JAKMIP2: variants seen among roughly 807,000 people sequenced by gnomAD.
The protein encoded by JAKMIP2 is janus kinase and microtubule interacting protein 2.
Under a neutral mutation model 115.0 loss-of-function variants are expected in JAKMIP2, and 25 were observed. The observed-to-expected ratio is 0.22, with a 90% CI of 0.16 to 0.30. The LOEUF is 0.30. Ranked by LOEUF, JAKMIP2 falls within the 10% of genes least tolerant of loss-of-function variation. JAKMIP2 has a pLI of 1.00. For synonymous variants in JAKMIP2, 334 were observed against 343.6 expected (o/e 0.97, Z 0.31); for missense variants, 642 against 957.6 (o/e 0.67, Z 4.35).
At chr5:147,771,892 A>G (rs1297879480) in intron 1 of JAKMIP2, among the ~76,000 whole-genome samples, 7 of 152,110 alleles carry the variant, frequency 4.6e-5, no homozygotes, top group Admixed American at 4.6e-4. Context: ...GCTGCTGCTG[A>G]TAATAATATA....
chr5:147,683,213 G>A, intron 1 of JAKMIP2, among the ~76,000 whole-genome samples: 1 of 152,218 alleles, frequency 6.6e-6, no homozygotes, highest in Non-Finnish European at 1.5e-5. Flanking sequence ...CTGGCGACCA[G>A]GTGTGATGGC....
At chr5:147,688,387 A>G (rs1760672429) in intron 1 of JAKMIP2, among the ~76,000 whole-genome samples, 1 of 152,238 alleles carries the variant, frequency 6.6e-6, no homozygotes, top group South Asian at 2.1e-4. Context: ...TATGCACAAC[A>G]TAGCTATTGC....
chr5:147,608,896 TC>T (rs1251755818), intron 20 of JAKMIP2, among the ~76,000 whole-genome samples: 2 of 152,228 alleles, frequency 1.3e-5, no homozygotes, highest in Non-Finnish European at 2.9e-5. Context: ...AGTTCGCTCT[TC>T]TTGTTGCATC....
At chr5:147,654,217 T>C (rs1486589801) in intron 3 of JAKMIP2, among the ~76,000 whole-genome samples, 1 of 142,414 alleles carries the variant, frequency 7.0e-6, no homozygotes, top group Non-Finnish European at 1.5e-5. Context: ...CCATATGAAA[T>C]TTAAAGTAGT....
At chr5:147,603,328 A>G (rs1755811623) in intron 20 of JAKMIP2, among the ~76,000 whole-genome samples, 1 of 152,236 alleles carries the variant, frequency 6.6e-6, no homozygotes, top group African/African-American at 2.4e-5. Context: ...GAATCAGATG[A>G]AATGATGGCA....
chr5:147,651,678 T>C (rs1291500274), intron 3 of JAKMIP2, among the ~76,000 whole-genome samples: 1 of 152,168 alleles, frequency 6.6e-6, no homozygotes, highest in African/African-American at 2.4e-5. Flanking sequence ...ATTTTCCACA[T>C]ATAAATATCT....
At chr5:147,695,650 C>CTGTG (rs572202242) in intron 1 of JAKMIP2, among the ~76,000 whole-genome samples, 6,357 of 142,936 alleles carry the variant, frequency 0.044, 205 homozygotes, top group African/African-American at 0.089. Context: ...AGTGAAAGGT[C>CTGTG]TGTGTGTGTG....
Position 147,604,867 on chromosome 5 carries a change from G to A in JAKMIP2, c.2413-3056C>T, listed in dbSNP as rs111455273. Among the ~76,000 whole-genome samples the A allele has an allele frequency of 6.3e-3, 943 of 150,760 alleles. 51 individuals carry two copies. In the East Asian group the frequency reaches 0.13, roughly 20 times the overall value. The stretch of plus-strand genomic sequence containing the variant: ...ATACTTTAAGTTCTGGGATATATGC[G>A]CAGAACGTGCAGGTTTGTTACATAA... On this transcript the variant is annotated intron_variant, in intron 20 of 21. Transcript: ENST00000616793.
At chr5:147,744,982 G>A (rs1323236496) in intron 1 of JAKMIP2, among the ~76,000 whole-genome samples, 5 of 151,284 alleles carry the variant, frequency 3.3e-5, no homozygotes, top group East Asian at 3.9e-4. Context: ...CGCTTGAACC[G>A]GGGAGGCAGA....
rs796114959 is a variant in JAKMIP2 at position 147,702,579 on chromosome 5, GGAAA to G, written c.-148-30629_-148-30626del. 6.6e-4 allele frequency among the ~76,000 whole-genome samples: 53 copies of G among 80,596 alleles called. 1 individual carries two copies. The highest frequency in any genetic ancestry group is 2.6e-3 in the South Asian group (6 of 2,338). The allele number at this position is 80,596 out of a possible 152,430, so 52.9% of individuals were successfully genotyped here. ...AAGAAAGAAAGAAAGAAAGAAAGAA[GGAAA>G]GAAAGAAAGAAAGAAAGAAGGAAAG... On this transcript the variant is annotated intron_variant, in intron 1 of 21. Coordinates refer to ENST00000616793, the MANE Select transcript of JAKMIP2 (RefSeq NM_001270941.2).
At chr5:147,617,775 T>A in intron 19 of JAKMIP2, 136 bp downstream of exon 19, 1 of 654,674 alleles carries the variant, frequency 1.5e-6, no homozygotes, top group Non-Finnish European at 2.6e-6. Context: ...TAGAAAACAA[T>A]GGTTATTTAT....
intron 21 of JAKMIP2, among the ~76,000 whole-genome samples, chr5:147,598,001 T>C (rs1305026269): frequency 1.3e-5 from 2 of 151,702 alleles, no homozygotes; most frequent in African/African-American, 4.9e-5. Flanking sequence ...TCCTTTTTTT[T>C]TTTTCTTTAT....
At chr5:147,721,165 G>A (rs1016475290) in intron 1 of JAKMIP2, among the ~76,000 whole-genome samples, 2 of 151,598 alleles carry the variant, frequency 1.3e-5, no homozygotes, top group Admixed American at 1.3e-4. Context: ...CTGCTCGGGG[G>A]TCAGGAGTCA....
In JAKMIP2 at chr5:147,650,516, A is replaced by G; in HGVS notation, c.659T>C (p.Ile220Thr). 1 of 1,613,528 alleles carries G rather than the reference A, an allele frequency of 6.2e-7. No individual in the cohort carries two copies. The highest frequency in any genetic ancestry group is 1.1e-5 in the South Asian group (1 of 91,044). The change falls in exon 4 of 22, where the codon ATC (isoleucine) becomes ACC (threonine). Residue 220 changes from isoleucine (I) to threonine (T), a missense_variant. Ile to Thr is a moderately conservative substitution (Grantham distance 89). Coordinates refer to ENST00000616793, the MANE Select transcript of JAKMIP2 (RefSeq NM_001270941.2). ...CTCCAGTTCCTTTTCCAGGGAAAAGATGATCCTGTCCTTGGCTTTGATTTC... is the reference window on the plus strand; with the variant it reads ...CTCCAGTTCCTTTTCCAGGGAAAAGGTGATCCTGTCCTTGGCTTTGATTTC... ...MDEIKAKDRI[I>T]FSLEKELETQ...
At chr5:147,702,884 T>C (rs1449884380) in intron 1 of JAKMIP2, among the ~76,000 whole-genome samples, 1 of 152,166 alleles carries the variant, frequency 6.6e-6, no homozygotes, top group African/African-American at 2.4e-5. Flanking sequence ...GAAAGACTCC[T>C]CATAAATATA....
chr5:147,686,625 T>C (rs1343403046), intron 1 of JAKMIP2, among the ~76,000 whole-genome samples: 2 of 152,170 alleles, frequency 1.3e-5, no homozygotes, highest in African/African-American at 2.4e-5. Flanking sequence ...GAACTTATCA[T>C]TGGCAAGAGT....
chr5:147,640,643 C>T, intron 9 of JAKMIP2, 61 bp downstream of exon 9: 2 of 1,557,952 alleles, frequency 1.3e-6, no homozygotes, highest in Non-Finnish European at 1.8e-6. Context: ...CTTTTTCTTC[C>T]CCCTTAAATC....
At chr5:147,670,482 C>T (rs190224117) in intron 2 of JAKMIP2, among the ~76,000 whole-genome samples, 2 of 152,214 alleles carry the variant, frequency 1.3e-5, no homozygotes, top group East Asian at 3.9e-4. Flanking sequence ...CTTTCCTAGA[C>T]ATGACCCTCT....
At chr5:147,740,040 C>T (rs1364373736) in intron 1 of JAKMIP2, among the ~76,000 whole-genome samples, 3 of 152,190 alleles carry the variant, frequency 2.0e-5, no homozygotes, top group Non-Finnish European at 4.4e-5. Flanking sequence ...TTGGTATAAA[C>T]AGCTCTTTCT....
Sources: allele counts gnomAD v4.1 joint callset (sites outside exome capture counted in the v4.1 genomes callset), GRCh38; gene constraint gnomAD v4.1.1; transcripts MANE v1.5; gene names NCBI Gene and HGNC (gene_info 2026-07-23, HGNC 2026-07-21).